STARD8: variants seen among roughly 807,000 people sequenced by gnomAD.
The protein encoded by STARD8 is StAR related lipid transfer domain containing 8, also known as stAR-related lipid transfer protein 8.
A neutral mutation model predicts 69.4 loss-of-function variants in STARD8; 25 were observed. The observed-to-expected ratio is 0.36, with a 90% CI of 0.26 to 0.50. The LOEUF (loss-of-function observed/expected upper bound fraction) is 0.50, where lower values mean the gene tolerates loss of function less well. Among genes scored for constraint, STARD8 ranks in the 20% least tolerant of loss-of-function variants. The pLI is 0.96. For synonymous variants in STARD8, 389 were observed against 374.6 expected (o/e 1.04, Z -0.45); for missense variants, 921 against 932.5 (o/e 0.99, Z 0.16).
chrX:68,659,250 A>G (rs1357308010), intron 1 of STARD8, among the ~76,000 whole-genome samples: 1 of 111,958 alleles, frequency 8.9e-6, no homozygotes, highest in Non-Finnish European at 1.9e-5. Context: ...TGATTGCTCT[A>G]GGTGACCCTG....
intron 2 of STARD8, among the ~76,000 whole-genome samples, chrX:68,692,158 C>T (rs2079881304): frequency 8.9e-6 from 1 of 112,127 alleles, no homozygotes; most frequent in African/African-American, 3.3e-5. Flanking sequence ...CATATCCCTT[C>T]CCACCCACCA....
intron 5 of STARD8, among the ~76,000 whole-genome samples, chrX:68,716,859 A>T (rs1175603684): frequency 2.7e-5 from 3 of 112,271 alleles, no homozygotes; most frequent in Non-Finnish European, 5.6e-5. Context: ...TGTGATTCTA[A>T]TCTAAGACTA....
At chrX:68,648,572 G>C (rs928325549) in intron 1 of STARD8, among the ~76,000 whole-genome samples, 1 of 111,170 alleles carries the variant, frequency 9.0e-6, no homozygotes, top group Non-Finnish European at 1.9e-5. Flanking sequence ...ACCAGCTTAG[G>C]CAACATAAGG....
chrX:68,668,312 TTTCCTTCC>T (rs60590974), intron 2 of STARD8, among the ~76,000 whole-genome samples: 4 of 96,897 alleles, frequency 4.1e-5, no homozygotes, highest in African/African-American at 1.3e-4. Context: ...TCTTTTTTTC[TTTCCTTCC>T]TTCCTTCCTT....
chrX:68,720,315 G>C lies in STARD8; in HGVS notation c.1941G>C (p.Gln647His). 8.3e-7 allele frequency: 1 copy of C among 1,208,325 alleles called. No homozygotes were observed. The highest frequency in any genetic ancestry group is 1.1e-6 in the Non-Finnish European group (1 of 893,548). ...ACAAGACCCCAGATTACCGGGGACA[G>C]CACGTATTTGGGGTGCCACCCCTCA... ...RRNKTPDYRG[Q>H]HVFGVPPLIH... The change falls in exon 8 of 15, where the codon CAG becomes CAC. Residue 647 changes from glutamine to histidine, a missense_variant. Coordinates refer to ENST00000374599, the MANE Select transcript of STARD8 (RefSeq NM_001142503.3).
intron 1 of STARD8, among the ~76,000 whole-genome samples, chrX:68,655,745 C>T (rs1355538115): frequency 9.0e-6 from 1 of 111,660 alleles, no homozygotes; most frequent in Non-Finnish European, 1.9e-5. Context: ...GCCAAAGGAG[C>T]ACTGGACACA....
rs2080176722 is a variant in STARD8 at position 68,723,990 on chromosome X, C to T, written c.3063C>T (p.Ser1021=). Reference sequence around the variant, plus strand: ...CTCGTGGGGGTTGCCTGCTTGTCTCCCAGTCCCTGGATCCGGAACAACCTG... The same window carrying T: ...CTCGTGGGGGTTGCCTGCTTGTCTCTCAGTCCCTGGATCCGGAACAACCTG... ...DLPRGGCLLV[S]QSLDPEQPVP... is the part of the protein sequence containing the mutation. Residue 1021 remains serine, a synonymous_variant, in exon 14 of 15, where the codon TCC becomes TCT. Coordinates refer to ENST00000374599, the MANE Select transcript of STARD8 (RefSeq NM_001142503.3). 2 of 1,212,145 alleles carry T rather than the reference C, an allele frequency of 1.6e-6. No homozygotes were observed. Among genetic ancestry groups the T allele is most frequent in the African/African-American group, 1.7e-5 (1 of 57,931 alleles).
chrX:68,716,406 T>C lies in STARD8; in HGVS notation c.272T>C (p.Leu91Pro). The C allele has an allele frequency of 8.3e-7, 1 of 1,211,007 alleles. No individual in the cohort carries two copies. Among genetic ancestry groups the C allele is most frequent in the South Asian group, 1.8e-5 (1 of 56,904 alleles). ...MTLNNCASMK[L>P]EVHFQSKQNE... is the part of the protein sequence containing the mutation. ...TTGAATAATTGTGCCTCGATGAAAC[T>C]GGAGGTTCATTTTCAAAGCAAGCAG... Residue 91 changes from leucine (L) to proline (P), a missense_variant, in exon 5 of 15, where the codon CTG (leucine) becomes CCG (proline). By Grantham distance (98) the Leu-to-Pro change is moderately conservative. Transcript: ENST00000374599.
Position 68,718,496 on chromosome X carries a change from T to C in STARD8, c.1582T>C (p.Ser528Pro). The C allele has an allele frequency of 8.3e-7, 1 of 1,212,103 alleles. No homozygotes were observed. Among genetic ancestry groups the C allele is most frequent in the Non-Finnish European group, 1.1e-6 (1 of 895,574 alleles). ...GHSISDTVASSSELDSSGNSM... is the reference protein window; with the variant it reads ...GHSISDTVASPSELDSSGNSM... ...CTCCATTTCTGACACTGTGGCCTCC[T>C]CCAGCGAACTTGACAGTAGTGGGAA... is the stretch of plus-strand genomic sequence containing the variant. Residue 528 changes from serine (S) to proline (P), a missense_variant, in exon 6 of 15, where the codon TCC (serine) becomes CCC (proline). By Grantham distance (74) the Ser-to-Pro change is moderately conservative (BLOSUM62 -1). Coordinates refer to ENST00000374599, the MANE Select transcript of STARD8 (RefSeq NM_001142503.3).
chrX:68,718,495 C>G lies in STARD8; in HGVS notation c.1581C>G (p.Ser527=). ...ACTCCATTTCTGACACTGTGGCCTC[C>G]TCCAGCGAACTTGACAGTAGTGGGA... ...EGHSISDTVA[S]SSELDSSGNS... Residue 527 remains serine, a synonymous_variant, in exon 6 of 15, where the codon TCC becomes TCG. Coordinates refer to ENST00000374599, the MANE Select transcript of STARD8 (RefSeq NM_001142503.3). The G allele has an allele frequency of 2.5e-6, 3 of 1,212,204 alleles. No homozygotes were observed. Among genetic ancestry groups the G allele is most frequent in the Non-Finnish European group, 3.3e-6 (3 of 895,611 alleles).
intron 2 of STARD8, among the ~76,000 whole-genome samples, chrX:68,678,826 G>GTATA: frequency 9.0e-6 from 1 of 111,704 alleles, no homozygotes; most frequent in Non-Finnish European, 1.9e-5. Context: ...ATAAACCTAA[G>GTATA]TATATACTGG....
At position 68,720,437 on chromosome X, in the gene STARD8, G is replaced by T; in HGVS notation, c.2049+14G>T. ...TGCCTGGACCAAGTGAGCCCTCGTG[G>T]GGCAGCCTGCCGGGAGATGGTGCAG... is the stretch of plus-strand genomic sequence containing the variant. On this transcript the variant is annotated intron_variant, in intron 8 of 14. Transcript: ENST00000374599. 1 of 1,158,442 alleles carries T rather than the reference G, an allele frequency of 8.6e-7. No homozygotes were observed. Among genetic ancestry groups the T allele is most frequent in the Non-Finnish European group, 1.2e-6 (1 of 865,338 alleles).
intron 1 of STARD8, among the ~76,000 whole-genome samples, chrX:68,652,125 G>A (rs186290015): frequency 2.7e-5 from 3 of 109,875 alleles, no homozygotes; most frequent in East Asian, 5.7e-4. Flanking sequence ...CCCAAAGTGC[G>A]GGAATTACAG....
chrX:68,663,798 T>C (rs1372393777), intron 1 of STARD8, among the ~76,000 whole-genome samples: 2 of 112,097 alleles, frequency 1.8e-5, no homozygotes, highest in East Asian at 5.6e-4. Context: ...ACTTTGTAGC[T>C]TTGTAGCAAA....
At chrX:68,653,004 CACACCACCACA>C (rs2079567350) in intron 1 of STARD8, among the ~76,000 whole-genome samples, 1 of 25,249 alleles carries the variant, frequency 4.0e-5, no homozygotes, top group Non-Finnish European at 7.7e-5. Context: ...ACACCACACA[CACACCACCACA>C]CACACACACC....
intron 2 of STARD8, among the ~76,000 whole-genome samples, chrX:68,688,801 C>T (rs2079853481): frequency 9.8e-6 from 1 of 102,373 alleles, no homozygotes; most frequent in African/African-American, 3.6e-5. Flanking sequence ...CCTCCCCTGG[C>T]CCCAGGTACC....
chrX:68,663,921 G>A (rs1002943288), intron 1 of STARD8, among the ~76,000 whole-genome samples: 1 of 111,698 alleles, frequency 9.0e-6, no homozygotes, highest in African/African-American at 3.3e-5. Flanking sequence ...TGAACACTCG[G>A]GAGGACATCC....
chrX:68,671,566 T>C (rs1353909905), intron 2 of STARD8, among the ~76,000 whole-genome samples: 1 of 112,596 alleles, frequency 8.9e-6, no homozygotes, highest in African/African-American at 3.2e-5. Context: ...GTAATCAGAC[T>C]GGTGACTTCT....
chrX:68,670,169 G>A (rs1260713133), intron 2 of STARD8, among the ~76,000 whole-genome samples: 1 of 111,959 alleles, frequency 8.9e-6, no homozygotes, highest in Non-Finnish European at 1.9e-5. Flanking sequence ...AAAAATGCTG[G>A]GATGTGACTT....
Sources: allele counts gnomAD v4.1 joint callset (sites outside exome capture counted in the v4.1 genomes callset), GRCh38; gene constraint gnomAD v4.1.1; transcripts MANE v1.5; gene names NCBI Gene and HGNC (gene_info 2026-07-23, HGNC 2026-07-21).